TPST1: variants seen among roughly 807,000 people sequenced by gnomAD.
TPST1 encodes the protein tyrosylprotein sulfotransferase 1.
Under a neutral mutation model 34.8 loss-of-function variants are expected in TPST1, and 20 were observed. The ratio of observed to expected loss-of-function variants is 0.57; its 90% CI spans 0.40 to 0.84. The LOEUF (loss-of-function observed/expected upper bound fraction) is 0.84, where lower values mean the gene tolerates loss of function less well. Among genes scored for constraint, TPST1 ranks in the 40% least tolerant of loss-of-function variants. TPST1 has a pLI of 0.00. For missense variants in TPST1, 353 were observed against 455.5 expected, an observed-to-expected ratio of 0.78 and a Z score of 2.05; for synonymous variants, 152 against 159.4, an observed-to-expected ratio of 0.95 and a Z score of 0.35.
intron 3 of TPST1, among the ~76,000 whole-genome samples, chr7:66,348,125 C>A (rs1456685320): frequency 6.6e-6 from 1 of 152,174 alleles, no homozygotes; most frequent in African/African-American, 2.4e-5. Flanking sequence ...CATCCCACAT[C>A]CTATCTGTTA....
At chr7:66,219,047 AT>A (rs376698635) in intron 1 of TPST1, among the ~76,000 whole-genome samples, 93 of 108,902 alleles carry the variant, frequency 8.5e-4, no homozygotes, top group Middle Eastern at 9.9e-3. Context: ...CGCCTGGCTA[AT>A]TTTTTTTTTT....
intron 2 of TPST1, among the ~76,000 whole-genome samples, chr7:66,250,237 A>G (rs75459722): frequency 0.016 from 2,395 of 152,230 alleles, 62 homozygotes; most frequent in East Asian, 0.093. Flanking sequence ...TGCCTTAAAC[A>G]TCTTAATTTT....
intron 1 of TPST1, among the ~76,000 whole-genome samples, chr7:66,229,575 A>C (rs757134856): frequency 4.6e-5 from 7 of 152,198 alleles, no homozygotes; most frequent in African/African-American, 1.7e-4. Flanking sequence ...GGTGATTATG[A>C]CTAGAGCTGC....
At chr7:66,328,900 ATATATATTTTTT>A (rs1584244709) in intron 3 of TPST1, among the ~76,000 whole-genome samples, 1 of 45,130 alleles carries the variant, frequency 2.2e-5, no homozygotes, top group East Asian at 4.8e-4. Flanking sequence ...ATATATATAT[ATATATATTTTTT>A]TTTTTTTTTT....
intron 2 of TPST1, among the ~76,000 whole-genome samples, chr7:66,258,463 A>G (rs756497417): frequency 6.6e-6 from 1 of 152,214 alleles, no homozygotes; most frequent in Non-Finnish European, 1.5e-5. Context: ...GCAACAGTTT[A>G]TATTTTAATT....
chr7:66,227,726 C>T lies in TPST1; in HGVS notation c.-101-12599C>T, dbSNP rs73142249. Among the ~76,000 whole-genome samples, 356 of 91,684 alleles carry T rather than the reference C, an allele frequency of 3.9e-3. 4 individuals are homozygous for T. The highest frequency in any genetic ancestry group is 5.7e-3 in the Non-Finnish European group (255 of 45,044). 60.1% of individuals were successfully genotyped at this position (91,684 alleles called of 152,430 possible). On this transcript the variant is annotated intron_variant, in intron 1 of 5. Transcript: ENST00000304842. ...GACTGTATTTTGAAAGTAGAGCCAA[C>T]AGATTTTTTTTTTTTTCTCAGATTT...
intron 5 of TPST1, among the ~76,000 whole-genome samples, chr7:66,357,186 G>A (rs1165877579): frequency 1.3e-5 from 2 of 152,178 alleles, no homozygotes; most frequent in African/African-American, 4.8e-5. Context: ...AGCTGAAAGG[G>A]ACCTGGAGGC....
chr7:66,304,065 A>T (rs1562835922), intron 3 of TPST1, among the ~76,000 whole-genome samples: 1 of 152,204 alleles, frequency 6.6e-6, no homozygotes, highest in Non-Finnish European at 1.5e-5. Context: ...TAAGTGTTAT[A>T]GGAGTGAGGG....
intron 2 of TPST1, among the ~76,000 whole-genome samples, chr7:66,280,132 C>CTTTG (rs1790904248): frequency 1.3e-5 from 2 of 152,234 alleles, no homozygotes; most frequent in South Asian, 4.1e-4. Context: ...CACCAAAGGA[C>CTTTG]AGCTTGGGAA....
upstream of TPST1, among the ~76,000 whole-genome samples, chr7:66,200,488 C>A (rs930464230): frequency 1.2e-5 from 1 of 85,298 alleles, no homozygotes; most frequent in Non-Finnish European, 2.5e-5. Context: ...GGCGCAATCT[C>A]GGCTCACTGC....
intron 3 of TPST1, among the ~76,000 whole-genome samples, chr7:66,345,225 G>A (rs1454025738): frequency 5.3e-5 from 8 of 151,234 alleles, no homozygotes; most frequent in South Asian, 2.1e-4. Flanking sequence ...TGCCAGGTGC[G>A]GTGGCTCACA....
At chr7:66,202,143 T>C (rs1049145308), upstream of TPST1, among the ~76,000 whole-genome samples, 2 of 151,310 alleles carry the variant, frequency 1.3e-5, no homozygotes, top group African/African-American at 4.9e-5. Flanking sequence ...ATTTTGGAGT[T>C]TTTTTTCCTT....
At chr7:66,341,470 G>A (rs1422344187) in intron 3 of TPST1, among the ~76,000 whole-genome samples, 1 of 152,036 alleles carries the variant, frequency 6.6e-6, no homozygotes, top group African/African-American at 2.4e-5. Flanking sequence ...TGGTAGAGAT[G>A]GGTTATCACC....
chr7:66,205,321 T>TGGC (rs1358650895), upstream of TPST1: 3 of 152,426 alleles, frequency 2.0e-5, no homozygotes, highest in Admixed American at 2.0e-4. This position sits in a 1 kb window ranked among gnomAD's most constrained non-coding sequence, Gnocchi z 5.0. Context: ...GTCGCTGAGT[T>TGGC]GGCGACCGCG....
At chr7:66,285,950 G>A (rs991998671) in intron 2 of TPST1, among the ~76,000 whole-genome samples, 4 of 152,114 alleles carry the variant, frequency 2.6e-5, no homozygotes, top group African/African-American at 7.2e-5. Flanking sequence ...AATAGAACAA[G>A]TGAATATTTT....
intron 2 of TPST1, among the ~76,000 whole-genome samples, chr7:66,270,428 C>T (rs2115795502): frequency 6.6e-6 from 1 of 152,316 alleles, no homozygotes; most frequent in South Asian, 2.1e-4. Context: ...ACTAAGTCCC[C>T]TCCTCTTCTC....
intron 1 of TPST1, among the ~76,000 whole-genome samples, chr7:66,232,201 ATTTTTT>A (rs1319878540): frequency 4.4e-5 from 5 of 113,900 alleles, no homozygotes; most frequent in Admixed American, 1.0e-4. Flanking sequence ...ATTAAAAAAA[ATTTTTT>A]TTTTTTTTTT....
intron 1 of TPST1, among the ~76,000 whole-genome samples, chr7:66,208,897 T>A (rs1789187177): frequency 6.6e-6 from 1 of 152,204 alleles, no homozygotes; most frequent in Non-Finnish European, 1.5e-5. Flanking sequence ...AAGTACATAG[T>A]GCTCAGTAAA....
intron 3 of TPST1, among the ~76,000 whole-genome samples, chr7:66,326,305 G>C (rs530542528): frequency 6.6e-6 from 1 of 152,122 alleles, no homozygotes; most frequent in Non-Finnish European, 1.5e-5. Flanking sequence ...TATAACTGCC[G>C]TAAGAACAGG....
Sources: gnomAD v4.1 joint callset for allele counts (sites outside exome capture counted in the v4.1 genomes callset) on GRCh38, gnomAD v4.1.1 for gene constraint, Gnocchi (gnomAD v3.1) non-coding constraint, MANE v1.5 for transcripts, NCBI Gene and HGNC (gene_info 2026-07-23, HGNC 2026-07-21) for gene names.